ACCSL: variants seen among roughly 807,000 people sequenced by gnomAD.
ACCSL encodes the protein probable inactive 1-aminocyclopropane-1-carboxylate synthase-like protein 2.
A neutral mutation model predicts 61.7 loss-of-function variants in ACCSL; 55 were observed. That is an observed-to-expected ratio of 0.89 (90% CI 0.72 to 1.12). The LOEUF is 1.12. Ranked by LOEUF, ACCSL falls within the 50% of genes most tolerant of loss-of-function variation. The probability of loss-of-function intolerance (pLI) is 0.00; values close to 1 mark genes in which losing one functional copy is unlikely to be tolerated. For synonymous variants in ACCSL, 258 were observed against 264.3 expected (o/e 0.98, Z 0.23); for missense variants, 632 against 698.0 (o/e 0.91, Z 1.07).
the ACCSL span, among the ~76,000 whole-genome samples, chr11:44,029,705 C>A: frequency 1.3e-5 from 2 of 152,164 alleles, no homozygotes; most frequent in Non-Finnish European, 1.5e-5. Flanking sequence ...TTCAAAGAGT[C>A]CATAACCCCA....
chr11:43,933,403 G>C, the ACCSL span: 2 of 282,172 alleles, frequency 7.1e-6, no homozygotes, highest in African/African-American at 4.3e-5. Context: ...ACTCCACCCT[G>C]CCTTGCCGCT....
chr11:44,004,373 C>T, the ACCSL span, among the ~76,000 whole-genome samples: 1 of 152,012 alleles, frequency 6.6e-6, no homozygotes, highest in Non-Finnish European at 1.5e-5. Flanking sequence ...AGAAACTACC[C>T]AGGGACCCCC....
chr11:43,969,954 T>C, the ACCSL span, among the ~76,000 whole-genome samples: 1 of 137,996 alleles, frequency 7.2e-6, no homozygotes, highest in African/African-American at 2.7e-5. Flanking sequence ...TCCTCTCAAA[T>C]AGGTATAGGG....
chr11:43,962,314 TG>T, the ACCSL span, among the ~76,000 whole-genome samples: 3 of 152,252 alleles, frequency 2.0e-5, no homozygotes, highest in Non-Finnish European at 4.4e-5. Flanking sequence ...AGGGAGATCT[TG>T]TACCTTCCAA....
At chr11:43,930,127 C>G in the ACCSL span, among the ~76,000 whole-genome samples, 1 of 152,136 alleles carries the variant, frequency 6.6e-6, no homozygotes, top group African/African-American at 2.4e-5. Flanking sequence ...CCCACCTGGC[C>G]CCCAGCCCCT....
chr11:44,008,950 T>A, the ACCSL span, among the ~76,000 whole-genome samples: 1 of 152,218 alleles, frequency 6.6e-6, no homozygotes, highest in African/African-American at 2.4e-5. Context: ...GCAGATCATC[T>A]GAGGCCAGGA....
the ACCSL span, among the ~76,000 whole-genome samples, chr11:43,982,324 T>G: frequency 6.7e-6 from 1 of 148,548 alleles, no homozygotes; most frequent in South Asian, 2.1e-4. Flanking sequence ...ACCTCCCAGG[T>G]TCTAGCGATT....
intron 8 of ACCSL, among the ~76,000 whole-genome samples, chr11:44,054,093 C>T (rs960270086): frequency 1.2e-4 from 18 of 152,210 alleles, no homozygotes; most frequent in Non-Finnish European, 4.4e-5. Flanking sequence ...TACTTCTCTA[C>T]TTAAGCTTAA....
At chr11:44,045,912 G>A (rs1952594539), upstream of ACCSL, among the ~76,000 whole-genome samples, 1 of 152,204 alleles carries the variant, frequency 6.6e-6, no homozygotes, top group Non-Finnish European at 1.5e-5. Context: ...AAAGGAAGAA[G>A]ATGCCTGGTG....
At chr11:43,977,721 C>T in the ACCSL span, among the ~76,000 whole-genome samples, 1 of 152,234 alleles carries the variant, frequency 6.6e-6, no homozygotes, top group Non-Finnish European at 1.5e-5. Context: ...GCCTAAAGAT[C>T]CCACCTGGGT....
chr11:44,053,357 TA>T, intron 7 of ACCSL, 48 bp from the exon 8 acceptor site: 1 of 1,570,004 alleles, frequency 6.4e-7, no homozygotes, highest in East Asian at 2.2e-5. Flanking sequence ...GAATTTAGGG[TA>T]GATGCTAAGG....
chr11:44,002,687 GCCTTCTGTGGGT>G, the ACCSL span, among the ~76,000 whole-genome samples: 1 of 152,152 alleles, frequency 6.6e-6, no homozygotes, highest in Non-Finnish European at 1.5e-5. Flanking sequence ...TTGTGAATCT[GCCTTCTGTGGGT>G]CTGAATGCTG....
the ACCSL span, chr11:43,943,881 G>A: frequency 2.4e-6 from 3 of 1,230,946 alleles, no homozygotes; most frequent in Non-Finnish European, 3.1e-6. The surrounding 1 kb of genome is among the most constrained non-coding windows in gnomAD (Gnocchi z 4.8). Flanking sequence ...TTTGCACAGT[G>A]CAGTTTTCCA....
In ACCSL at chr11:44,053,046, C is replaced by A. The variant is rs764684839; in HGVS notation, c.926C>A (p.Ala309Asp). The stretch of plus-strand genomic sequence containing the variant: ...CTCACTGTGGACAAGTTAGAGGAAG[C>A]CCTGCTTGAAGCTAGGCTTGAGGTA... ...FQLTVDKLEE[A>D]LLEARLEGKK... Residue 309 changes from alanine to aspartate, a missense_variant, in exon 7 of 14, where the codon GCC (alanine) becomes GAC (aspartate). Transcript: ENST00000378832. 1.1e-5 allele frequency: 17 copies of A among 1,614,072 alleles called. No homozygotes were observed. Among genetic ancestry groups the A allele is most frequent in the Non-Finnish European group, 1.4e-5 (16 of 1,179,974 alleles).
At chr11:43,971,730 T>C in the ACCSL span, among the ~76,000 whole-genome samples, 2 of 152,160 alleles carry the variant, frequency 1.3e-5, no homozygotes, top group African/African-American at 2.4e-5. Context: ...CCCCGAATTG[T>C]CCTCCCCACT....
the ACCSL span, among the ~76,000 whole-genome samples, chr11:43,938,695 C>T: frequency 0.056 from 8,494 of 151,892 alleles, 287 homozygotes; most frequent in South Asian, 0.11. Flanking sequence ...CCCAGCTACT[C>T]GGGAGGCTGA....
chr11:44,058,792 C>T (rs371042072), intron 13 of ACCSL, 93 bp downstream of exon 13: 2 of 1,422,572 alleles, frequency 1.4e-6, no homozygotes, highest in East Asian at 2.4e-5. Context: ...TCCTATAGAT[C>T]TAGCCCTTTA....
In ACCSL at chr11:44,048,228, C is replaced by A; in HGVS notation, c.192C>A (p.Ile64=). Residue 64 remains isoleucine (I), a synonymous_variant, in exon 1 of 14, where the codon ATC becomes ATA. Coordinates refer to ENST00000378832, the MANE Select transcript of ACCSL (RefSeq NM_001031854.2). The stretch of plus-strand genomic sequence containing the variant: ...AGGAAAGGAGGCACACTGAGGCCAT[C>A]TGTGAGCATGAAGCCCTTCTGAGTC... The part of the protein sequence containing the change: ...SLEERRHTEA[I]CEHEALLSRL... 6.2e-7 allele frequency: 1 copy of A among 1,614,176 alleles called. No individual in the cohort carries two copies. The highest frequency in any genetic ancestry group is 8.5e-7 in the Non-Finnish European group (1 of 1,180,028).
the ACCSL span, among the ~76,000 whole-genome samples, chr11:43,946,182 G>A: frequency 2.0e-5 from 3 of 152,280 alleles, no homozygotes; most frequent in South Asian, 4.1e-4. Flanking sequence ...TGCCTCCCAG[G>A]TTCAAGCGAT....
Sources: gnomAD v4.1 joint callset for allele counts (sites outside exome capture counted in the v4.1 genomes callset) on GRCh38, gnomAD v4.1.1 for gene constraint, Gnocchi (gnomAD v3.1) non-coding constraint, MANE v1.5 for transcripts, NCBI Gene and HGNC (gene_info 2026-07-23, HGNC 2026-07-21) for gene names.